MPRIP: variants seen among roughly 807,000 people sequenced by gnomAD.
MPRIP encodes the protein myosin phosphatase Rho-interacting protein.
A neutral mutation model predicts 234.9 loss-of-function variants in MPRIP; 59 were observed. The ratio of observed to expected loss-of-function variants is 0.25; its 90% CI spans 0.20 to 0.31. MPRIP has a LOEUF of 0.31. MPRIP is among the 10% of genes least tolerant of loss of function. MPRIP has a pLI of 1.00. For synonymous variants in MPRIP, 1,144 were observed against 1,263.9 expected, an observed-to-expected ratio of 0.91 and a Z score of 2.01; for missense variants, 2,436 against 3,071.0, an observed-to-expected ratio of 0.79 and a Z score of 4.89.
intron 4 of MPRIP, among the ~76,000 whole-genome samples, chr17:17,130,584 C>T (rs912463242): frequency 2.0e-5 from 3 of 152,052 alleles, no homozygotes; most frequent in Admixed American, 2.0e-4. Flanking sequence ...CAGACCCCCC[C>T]ATCCCCAACC....
chr17:17,092,043 A>G (rs2089731287), intron 3 of MPRIP, among the ~76,000 whole-genome samples: 1 of 152,228 alleles, frequency 6.6e-6, no homozygotes, highest in Admixed American at 6.5e-5. Context: ...GCGTCAGGCC[A>G]GGGCCCTCTG....
intron 5 of MPRIP, among the ~76,000 whole-genome samples, chr17:17,132,242 G>A (rs1284223759): frequency 6.6e-6 from 1 of 152,182 alleles, no homozygotes; most frequent in African/African-American, 2.4e-5. Flanking sequence ...CCTGGCCAGT[G>A]TGCAAGGCTT....
chr17:17,067,218 A>G (rs1468524712), intron 1 of MPRIP, among the ~76,000 whole-genome samples: 2 of 152,214 alleles, frequency 1.3e-5, no homozygotes, highest in African/African-American at 2.4e-5. Context: ...ACCTCAGCAT[A>G]TGATTTTTTT....
chr17:17,049,814 C>T (rs2088475629), intron 1 of MPRIP, among the ~76,000 whole-genome samples: 1 of 152,156 alleles, frequency 6.6e-6, no homozygotes, highest in Non-Finnish European at 1.5e-5. Flanking sequence ...AGTGTGCCAC[C>T]CCTCAGACCA....
At chr17:17,146,372 C>T (rs1413953608) in intron 10 of MPRIP, among the ~76,000 whole-genome samples, 1 of 152,214 alleles carries the variant, frequency 6.6e-6, no homozygotes, top group Non-Finnish European at 1.5e-5. Flanking sequence ...TGCCTTGTAA[C>T]ACTAGCCCCC....
Position 17,165,596 on chromosome 17 carries a change from C to T in MPRIP, c.4005C>T (p.Pro1335=), listed in dbSNP as rs995642655. 7.7e-7 allele frequency: 1 copy of T among 1,304,834 alleles called. No homozygotes were observed. Among genetic ancestry groups the T allele is most frequent in the Non-Finnish European group, 1.0e-6 (1 of 989,066 alleles). 80.8% of individuals were successfully genotyped at this position (1,304,834 alleles called of 1,614,324 possible). A position where few individuals can be genotyped will look rare whatever the true frequency, so the allele number is the denominator to read the frequency against. ...TCCAGTGCCAAAGATACATTCACCC[C>T]GAAGGGTCTGAGAAGACCTGGACCA... ...STIQCQRYIH[P]EGSEKTWTSS... is the part of the protein sequence containing the mutation. Residue 1335 remains proline (P), a synonymous_variant, in exon 16 of 24, where the codon CCC becomes CCT. Coordinates refer to ENST00000651222, the MANE Select transcript of MPRIP (RefSeq NM_001364716.4).
intron 1 of MPRIP, among the ~76,000 whole-genome samples, chr17:17,055,693 C>T (rs1026751898): frequency 4.6e-5 from 7 of 152,220 alleles, no homozygotes; most frequent in African/African-American, 9.6e-5. Context: ...CCACATCTCC[C>T]TTCCCGCCTG....
At chr17:17,112,436 A>G (rs972401713) in intron 3 of MPRIP, among the ~76,000 whole-genome samples, 3 of 151,994 alleles carry the variant, frequency 2.0e-5, no homozygotes, top group African/African-American at 7.3e-5. Context: ...CTTCCTCATC[A>G]CTGTGACCCC....
In MPRIP at chr17:17,184,980, T is replaced by TATG; in HGVS notation, c.*88_*89insGAT. On this transcript the variant is annotated 3_prime_UTR_variant, in exon 24 of 24. Transcript: ENST00000651222. ...CTGCTTTTCACCTGTACCTTTGTTT[T>TATG]ATTATTATTATTATTATTGCTGTTG... 14 of 672,572 alleles carry TATG rather than the reference T, an allele frequency of 2.1e-5. No homozygotes were observed. The South Asian group carries it at 2.4e-4, about 11-fold the overall frequency. 41.7% of individuals were successfully genotyped at this position (672,572 alleles called of 1,614,324 possible). A position where few individuals can be genotyped will look rare whatever the true frequency, so the allele number is the denominator to read the frequency against.
intron 3 of MPRIP, among the ~76,000 whole-genome samples, chr17:17,123,567 G>T (rs1034329218): frequency 3.3e-5 from 5 of 151,968 alleles, no homozygotes; most frequent in Non-Finnish European, 7.4e-5. Flanking sequence ...AGCTGGGTGT[G>T]GTAGCATGCA....
rs2046553233 is a variant in MPRIP, at chr17:17,189,904, G to C, written c.*5010G>C. On this transcript the variant is annotated 3_prime_UTR_variant, in exon 24 of 24. Coordinates refer to ENST00000651222, the MANE Select transcript of MPRIP (RefSeq NM_001364716.4). ...GAAGGTTCTCAGTGCTGGCAAAAGA[G>C]CCCACTTTCTAAAAGGACTTGGGAA... is the stretch of plus-strand genomic sequence containing the variant. 6.6e-6 allele frequency: 1 copy of C among 152,196 alleles called. No individual in the cohort carries two copies. Among genetic ancestry groups the C allele is most frequent in the South Asian group, 2.1e-4 (1 of 4,828 alleles). The allele number at this position is 152,196 out of a possible 1,614,324, so 9.4% of individuals were successfully genotyped here. A position where few individuals can be genotyped will look rare whatever the true frequency, so the allele number is the denominator to read the frequency against.
intron 13 of MPRIP, among the ~76,000 whole-genome samples, chr17:17,157,090 G>A (rs573478834): frequency 1.6e-4 from 24 of 152,278 alleles, no homozygotes; most frequent in African/African-American, 5.8e-4. Flanking sequence ...AGTCAGCCTC[G>A]GACCAGCTGG....
intron 3 of MPRIP, among the ~76,000 whole-genome samples, chr17:17,085,666 C>A (rs2144107904): frequency 6.6e-6 from 1 of 152,322 alleles, no homozygotes; most frequent in East Asian, 1.9e-4. Flanking sequence ...GTAATCCCAG[C>A]ACTTTGGGAG....
rs868479239 is a variant in MPRIP, at chr17:17,138,357, G to A, written c.1178G>A (p.Arg393Gln). 7 of 358,156 alleles carry A rather than the reference G, an allele frequency of 2.0e-5. No homozygotes were observed. Among genetic ancestry groups the A allele is most frequent in the African/African-American group, 8.4e-5 (4 of 47,412 alleles). The allele number at this position is 358,156 out of a possible 1,614,324, so 22.2% of individuals were successfully genotyped here. Reference protein sequence around the residue: ...HREAFQVERRRLERRTRARSP... With the variant: ...HREAFQVERRQLERRTRARSP... The stretch of plus-strand genomic sequence containing the variant: ...GAAGCCTTCCAGGTGGAGAGAAGGC[G>A]GCTGGAGCGTAGAACTCGGGCCCGG... The change falls in exon 7 of 24, where the codon CGG becomes CAG. Residue 393 changes from arginine (R) to glutamine (Q), a missense_variant. Around this residue, in one of 4 missense-constraint regions of MPRIP, gnomAD observed 267 missense variants for 252.7 expected, o/e 1.06. Transcript: ENST00000651222. This position sits in a 1 kb window ranked among gnomAD's most constrained non-coding sequence, Gnocchi z 5.8.
chr17:17,090,374 C>G (rs550630480), intron 3 of MPRIP, among the ~76,000 whole-genome samples: 1 of 152,324 alleles, frequency 6.6e-6, no homozygotes, highest in East Asian at 1.9e-4. Flanking sequence ...TCTGTCTGTT[C>G]CTCTGCCTCG....
At chr17:17,140,002 G>C (rs1369650136) in intron 7 of MPRIP, among the ~76,000 whole-genome samples, 1 of 152,258 alleles carries the variant, frequency 6.6e-6, no homozygotes, top group Non-Finnish European at 1.5e-5. Flanking sequence ...GCAGATCCCA[G>C]TGGGGCCTTA....
chr17:17,045,081 A>T (rs1350157683), intron 1 of MPRIP, among the ~76,000 whole-genome samples: 1 of 151,934 alleles, frequency 6.6e-6, no homozygotes, highest in Non-Finnish European at 1.5e-5. Context: ...ACCTCAACCA[A>T]TCGGTTCCCA....
At chr17:17,149,998 G>A in intron 11 of MPRIP, 146 bp from the exon 12 acceptor site, 1 of 651,738 alleles carries the variant, frequency 1.5e-6, no homozygotes, top group South Asian at 1.7e-5. Context: ...GGGTCATGCA[G>A]TAGTAGGATA....
intron 13 of MPRIP, among the ~76,000 whole-genome samples, chr17:17,155,911 C>T (rs759165233): frequency 7.2e-5 from 11 of 152,252 alleles, no homozygotes; most frequent in Non-Finnish European, 1.5e-4. Context: ...GGAGCAGACA[C>T]CCAAGCTTGA....
Sources: allele counts gnomAD v4.1 joint callset (sites outside exome capture counted in the v4.1 genomes callset), GRCh38; gene constraint gnomAD v4.1.1; regional missense constraint gnomAD v4.1.1; non-coding constraint Gnocchi (gnomAD v3.1); transcripts MANE v1.5; gene names NCBI Gene and HGNC (gene_info 2026-07-23, HGNC 2026-07-21).